IL1RAPL2: variants seen among roughly 807,000 people sequenced by gnomAD.
IL1RAPL2 encodes the protein X-linked interleukin-1 receptor accessory protein-like 2.
Under a neutral mutation model 44.1 loss-of-function variants are expected in IL1RAPL2, and 3 were observed. That is an observed-to-expected ratio of 0.07 (90% CI 0.03 to 0.18). IL1RAPL2 has a LOEUF of 0.18. IL1RAPL2 is among the 10% of genes least tolerant of loss of function. The pLI, the probability that IL1RAPL2 is intolerant of heterozygous loss-of-function variation, is 1.00. For synonymous variants in IL1RAPL2, 181 were observed against 178.8 expected, an observed-to-expected ratio of 1.01 and a Z score of -0.10; for missense variants, 391 against 496.4, an observed-to-expected ratio of 0.79 and a Z score of 2.02.
chrX:104,607,071 C>T (rs1261216836), intron 1 of IL1RAPL2, among the ~76,000 whole-genome samples: 3 of 111,275 alleles, frequency 2.7e-5, no homozygotes, highest in Non-Finnish European at 5.7e-5. Flanking sequence ...ACAGAGGCCT[C>T]GGGAACAACA....
At chrX:105,381,034 G>T (rs764506263) in intron 5 of IL1RAPL2, among the ~76,000 whole-genome samples, 1 of 110,982 alleles carries the variant, frequency 9.0e-6, no homozygotes, top group East Asian at 2.9e-4. Context: ...GCTAGTCTAG[G>T]AAGTGACAGA....
At chrX:105,208,970 C>A (rs915491556) in intron 3 of IL1RAPL2, among the ~76,000 whole-genome samples, 10 of 111,803 alleles carry the variant, frequency 8.9e-5, no homozygotes, top group African/African-American at 3.3e-4. Context: ...TGGCTGAAAC[C>A]CTCAGATCAG....
At chrX:105,478,547 A>G (rs1451915406) in intron 5 of IL1RAPL2, among the ~76,000 whole-genome samples, 3 of 110,953 alleles carry the variant, frequency 2.7e-5, no homozygotes, top group African/African-American at 9.8e-5. Context: ...AATAAAAGAA[A>G]ACATATTAAA....
intron 2 of IL1RAPL2, among the ~76,000 whole-genome samples, chrX:104,893,955 T>C (rs1923551624): frequency 1.8e-5 from 2 of 111,868 alleles, no homozygotes; most frequent in Admixed American, 1.9e-4. Flanking sequence ...TAGTCCCTCC[T>C]TCAGGAGCTC....
intron 4 of IL1RAPL2, among the ~76,000 whole-genome samples, chrX:105,240,108 A>G (rs2034157206): frequency 8.9e-6 from 1 of 112,414 alleles, no homozygotes; most frequent in Non-Finnish European, 1.9e-5. Flanking sequence ...ACAACAATAT[A>G]TATTTAATTT....
At position 105,766,761 on chromosome X, in the gene IL1RAPL2, T is replaced by A. The variant is rs1285260289; in HGVS notation, c.1364-203T>A. On this transcript the variant is annotated intron_variant, in intron 10 of 10. Coordinates refer to ENST00000372582, the MANE Select transcript of IL1RAPL2 (RefSeq NM_017416.2). ...ATGTTAGCCAACAAAACACTGTAAG[T>A]AATGGTGAGGGAAAAGAAAATAACG... Among the ~76,000 whole-genome samples the A allele has an allele frequency of 4.7e-5, 5 of 107,218 alleles. No individual in the cohort carries two copies. The Admixed American group carries it at 5.0e-4, about 11-fold the overall frequency. The allele number at this position is 107,218 out of a possible 115,157, so 93.1% of individuals were successfully genotyped here. A position where few individuals can be genotyped will look rare whatever the true frequency, so the allele number is the denominator to read the frequency against.
At chrX:104,910,015 T>C (rs913932032) in intron 2 of IL1RAPL2, among the ~76,000 whole-genome samples, 26 of 112,594 alleles carry the variant, frequency 2.3e-4, no homozygotes, top group African/African-American at 8.1e-4. Context: ...ACTCCGTGGT[T>C]GTAGGACCCT....
At chrX:105,201,796 G>A (rs968906498) in intron 3 of IL1RAPL2, among the ~76,000 whole-genome samples, 4 of 111,875 alleles carry the variant, frequency 3.6e-5, no homozygotes, top group Admixed American at 2.8e-4. Flanking sequence ...GGTTACCCAG[G>A]TAGCAATTTC....
chrX:104,672,435 T>C (rs1403098401), intron 2 of IL1RAPL2, among the ~76,000 whole-genome samples: 17 of 110,588 alleles, frequency 1.5e-4, no homozygotes, highest in Non-Finnish European at 2.6e-4. Flanking sequence ...CTCATCATTT[T>C]TTATGGCTGC....
At chrX:104,736,351 C>T (rs757245224) in intron 2 of IL1RAPL2, among the ~76,000 whole-genome samples, 39 of 112,087 alleles carry the variant, frequency 3.5e-4, no homozygotes, top group African/African-American at 1.2e-3. Context: ...CTCCTTGTAG[C>T]GCATGATAGA....
At chrX:105,254,246 G>A (rs1457371357) in intron 4 of IL1RAPL2, among the ~76,000 whole-genome samples, 1 of 111,497 alleles carries the variant, frequency 9.0e-6, no homozygotes, top group Non-Finnish European at 1.9e-5. Flanking sequence ...ATAGCTATCC[G>A]ACTAGTATGA....
chrX:104,714,870 G>C (rs138646428), intron 2 of IL1RAPL2, among the ~76,000 whole-genome samples: 2,388 of 111,144 alleles, frequency 0.021, 31 homozygotes, highest in Non-Finnish European at 0.033. Context: ...TGTGCTGCTG[G>C]ATTCAATTTG....
intron 2 of IL1RAPL2, among the ~76,000 whole-genome samples, chrX:104,829,447 C>T (rs1181570294): frequency 3.6e-5 from 4 of 111,892 alleles, no homozygotes; most frequent in Non-Finnish European, 7.5e-5. Context: ...TGCTCGCTCT[C>T]CATGGGCTGC....
intron 1 of IL1RAPL2, among the ~76,000 whole-genome samples, chrX:104,626,855 C>T (rs929574035): frequency 1.6e-3 from 171 of 104,632 alleles, no homozygotes; most frequent in Non-Finnish European, 1.4e-3. Context: ...GAGTCTCACT[C>T]TGTCTCCCAG....
intron 2 of IL1RAPL2, among the ~76,000 whole-genome samples, chrX:104,674,433 C>A (rs1602673952): frequency 8.9e-6 from 1 of 111,897 alleles, no homozygotes; most frequent in African/African-American, 3.3e-5. Flanking sequence ...AGCCTTGCAT[C>A]CCAGGGATGA....
rs1305476219 is a variant in IL1RAPL2, at chrX:105,208,760, C to G, written c.356+13012C>G. ...CATTTTTAATTTTTTATTCCTGTTA[C>G]CCTGATCCCATCAGTGCCTTCCCTT... is the stretch of plus-strand genomic sequence containing the variant. On this transcript the variant is annotated intron_variant, in intron 3 of 10. Coordinates refer to ENST00000372582, the MANE Select transcript of IL1RAPL2 (RefSeq NM_017416.2). Among the ~76,000 whole-genome samples, 6 of 111,795 alleles carry G rather than the reference C, an allele frequency of 5.4e-5. No homozygotes were observed. The Admixed American group carries it at 5.7e-4, about 11-fold the overall frequency.
chrX:105,269,275 CTGAGT>C (rs1184082822), intron 5 of IL1RAPL2, among the ~76,000 whole-genome samples: 1 of 110,565 alleles, frequency 9.0e-6, no homozygotes, highest in Non-Finnish European at 1.9e-5. Context: ...TTAATACTTG[CTGAGT>C]TAAGTTGATT....
chrX:105,590,277 G>A (rs1398416728), intron 6 of IL1RAPL2, among the ~76,000 whole-genome samples: 1 of 111,012 alleles, frequency 9.0e-6, no homozygotes, highest in Non-Finnish European at 1.9e-5. Flanking sequence ...GATATTTTGG[G>A]CAGAGACCAT....
At chrX:104,611,810 C>G (rs997924106) in intron 1 of IL1RAPL2, among the ~76,000 whole-genome samples, 4 of 88,661 alleles carry the variant, frequency 4.5e-5, no homozygotes, top group African/African-American at 1.9e-4. Flanking sequence ...GCACTCCAGC[C>G]TGGGCGACAG....
Sources: allele counts gnomAD v4.1 joint callset (sites outside exome capture counted in the v4.1 genomes callset), GRCh38; gene constraint gnomAD v4.1.1; transcripts MANE v1.5; gene names NCBI Gene and HGNC (gene_info 2026-07-23, HGNC 2026-07-21).